MCM2: variants seen among roughly 807,000 people sequenced by gnomAD.
The protein encoded by MCM2 is minichromosome maintenance complex component 2.
A neutral mutation model predicts 86.4 loss-of-function variants in MCM2; 49 were observed. The ratio of observed to expected loss-of-function variants is 0.57; its 90% CI spans 0.45 to 0.72. The LOEUF is 0.72. Ranked by LOEUF, MCM2 falls within the 30% of genes least tolerant of loss-of-function variation. The pLI, the probability that MCM2 is intolerant of heterozygous loss-of-function variation, is 0.00. For missense variants in MCM2, 1,038 were observed against 1,259.9 expected (o/e 0.82, Z 2.67); for synonymous variants, 475 against 484.6 (o/e 0.98, Z 0.26).
At position 127,621,173 on chromosome 3, in the gene MCM2, G is replaced by A. The variant is rs770365114; in HGVS notation, c.2549G>A (p.Arg850His). ...GAGCAGGTGACATATCAGCGCAACC[G>A]CTTTGGGGCCCAGCAGGACACTATT... ...VAEQVTYQRN[R>H]FGAQQDTIEV... is the part of the protein sequence containing the mutation. The change falls in exon 15 of 16, where the codon CGC (arginine) becomes CAC (histidine). Residue 850 changes from arginine to histidine, a missense_variant. By Grantham distance (29) the Arg-to-His change is conservative. Coordinates refer to ENST00000265056, the MANE Select transcript of MCM2 (RefSeq NM_004526.4). The A allele has an allele frequency of 2.5e-6, 4 of 1,614,202 alleles. No individual in the cohort carries two copies. The highest frequency in any genetic ancestry group is 1.1e-5 in the South Asian group (1 of 91,086).
At chr3:127,621,254 G>T (rs774700906) in intron 15 of MCM2, 26 bp downstream of exon 15, 12 of 1,612,050 alleles carry the variant, frequency 7.4e-6, no homozygotes, top group Non-Finnish European at 1.0e-5. Context: ...GGAGGTGAGG[G>T]TTGGGGTATG....
chr3:127,602,984 G>A (rs13083682), intron 2 of MCM2, among the ~76,000 whole-genome samples: 47,758 of 151,994 alleles, frequency 0.31, 8,380 homozygotes, highest in Middle Eastern at 0.47. Context: ...TTGTAATTGT[G>A]GTAAAATACA....
intron 8 of MCM2, among the ~76,000 whole-genome samples, chr3:127,610,247 G>T (rs1335839726): frequency 6.6e-6 from 1 of 152,142 alleles, no homozygotes; most frequent in Non-Finnish European, 1.5e-5. Context: ...TTCCCATTTG[G>T]CTTCTTCAGT....
In MCM2 at chr3:127,604,955, A is replaced by T. The variant is rs753401937; in HGVS notation, c.472A>T (p.Thr158Ser). 10 of 1,606,304 alleles carry T rather than the reference A, an allele frequency of 6.2e-6. No homozygotes were observed. Among genetic ancestry groups the T allele is most frequent in the Non-Finnish European group, 8.5e-6 (10 of 1,173,528 alleles). The part of the protein sequence containing the change: ...ARKRRQVERA[T>S]EDGEEDEEMI... ...CAAGCGCCGCCAGGTGGAGCGGGCC[A>T]CGGAGGACGGCGAGGAGGACGAGGA... Residue 158 changes from threonine to serine, a missense_variant, in exon 4 of 16, where the codon ACG (threonine) becomes TCG (serine). Physicochemically the swap from Thr to Ser is moderately conservative, Grantham distance 58 (BLOSUM62 1). This residue lies in a region of MCM2 where 300 missense variants were observed against 307.4 expected (regional missense o/e 0.98). Coordinates refer to ENST00000265056, the MANE Select transcript of MCM2 (RefSeq NM_004526.4).
At chr3:127,615,544 A>T (rs2074426308) in intron 8 of MCM2, among the ~76,000 whole-genome samples, 1 of 152,202 alleles carries the variant, frequency 6.6e-6, no homozygotes, top group Non-Finnish European at 1.5e-5. Context: ...GGCCAGTGCC[A>T]TGACAGACCT....
chr3:127,606,990 A>G lies in MCM2; in HGVS notation c.1101+173A>G, dbSNP rs921553322. ...CCCAGTCTGTCTGGCCAGTGGACTT[A>G]GCTTGGCCCACACGACGTTTTTAGG... On this transcript the variant is annotated intron_variant, in intron 6 of 15. Transcript: ENST00000265056. This position sits in a 1 kb window ranked among gnomAD's most constrained non-coding sequence, Gnocchi z 4.2. Among the ~76,000 whole-genome samples the G allele has an allele frequency of 3.9e-5, 6 of 152,190 alleles. No homozygotes were observed. The highest frequency in any genetic ancestry group is 8.8e-5 in the Non-Finnish European group (6 of 68,042).
intron 6 of MCM2, among the ~76,000 whole-genome samples, chr3:127,607,658 G>A (rs1485023890): frequency 1.3e-5 from 2 of 152,206 alleles, no homozygotes; most frequent in Admixed American, 1.3e-4. Context: ...ATAGTACCTG[G>A]TAGAGGGTTA....
In MCM2 at chr3:127,618,872, C is replaced by T. The variant is rs2074453184; in HGVS notation, c.2014-155C>T. Among the ~76,000 whole-genome samples the T allele has an allele frequency of 6.6e-6, 1 of 152,214 alleles. No individual in the cohort carries two copies. The highest frequency in any genetic ancestry group is 2.4e-5 in the African/African-American group (1 of 41,454). ...CTCTGTCCCATTGTCTGGTTTGCCA[C>T]CCACACCCAGAACTGCCTGGCACAT... On this transcript the variant is annotated intron_variant, in intron 12 of 15. Coordinates refer to ENST00000265056, the MANE Select transcript of MCM2 (RefSeq NM_004526.4). This position sits in a 1 kb window ranked among gnomAD's most constrained non-coding sequence, Gnocchi z 4.0.
In MCM2 at chr3:127,620,719, A is replaced by G. The variant is rs761460942; in HGVS notation, c.2287A>G (p.Thr763Ala). ...ESMATGSIPI[T>A]VRHIESMIRM... ...CCAGGCGACAGGCAGCATCCCCATT[A>G]CGGTGCGGCACATCGAGTCCATGAT... is the stretch of plus-strand genomic sequence containing the variant. Residue 763 changes from threonine to alanine, a missense_variant, in exon 14 of 16, where the codon ACG becomes GCG. This residue lies in a region of MCM2 where 336 missense variants were observed against 425.7 expected (regional missense o/e 0.79). Transcript: ENST00000265056. 1 of 1,604,272 alleles carries G rather than the reference A, an allele frequency of 6.2e-7. No homozygotes were observed. Among genetic ancestry groups the G allele is most frequent in the South Asian group, 1.1e-5 (1 of 90,368 alleles).
intron 13 of MCM2, among the ~76,000 whole-genome samples, chr3:127,619,513 A>G (rs17538711): frequency 0.013 from 2,047 of 151,826 alleles, 27 homozygotes; most frequent in Non-Finnish European, 0.02. Flanking sequence ...CCTGACCAAC[A>G]TGGTGAAACC....
intron 2 of MCM2, 62 bp downstream of exon 2, chr3:127,599,609 G>T: frequency 6.8e-7 from 1 of 1,468,222 alleles, no homozygotes; most frequent in African/African-American, 1.4e-5. Context: ...TTGTGTGCCT[G>T]GTGGCCTGGC....
chr3:127,609,469 G>A (rs564219620), intron 8 of MCM2, among the ~76,000 whole-genome samples: 13 of 152,194 alleles, frequency 8.5e-5, no homozygotes, highest in African/African-American at 2.4e-4. Flanking sequence ...CCAGAATGGT[G>A]GTGTTTTTTG....
At position 127,618,874 on chromosome 3, in the gene MCM2, C is replaced by G. The variant is rs1011170859; in HGVS notation, c.2014-153C>G. The stretch of plus-strand genomic sequence containing the variant: ...CTGTCCCATTGTCTGGTTTGCCACC[C>G]ACACCCAGAACTGCCTGGCACATGG... On this transcript the variant is annotated intron_variant, in intron 12 of 15. Coordinates refer to ENST00000265056, the MANE Select transcript of MCM2 (RefSeq NM_004526.4). The surrounding 1 kb of genome is among the most constrained non-coding windows in gnomAD (Gnocchi z 4.0). Among the ~76,000 whole-genome samples the G allele has an allele frequency of 2.6e-5, 4 of 152,214 alleles. No homozygotes were observed. The highest frequency in any genetic ancestry group is 5.9e-5 in the Non-Finnish European group (4 of 68,046).
Position 127,606,350 on chromosome 3 carries a change from C to T in MCM2, c.893+13C>T. ...TGCGCTCGCTGAGGTGAGCTGAGGG[C>T]AGGTGAGGATGGCAGGTCCGAGCTC... is the stretch of plus-strand genomic sequence containing the variant. On this transcript the variant is annotated intron_variant, in intron 5 of 15. Transcript: ENST00000265056. The surrounding 1 kb of genome is among the most constrained non-coding windows in gnomAD (Gnocchi z 4.2). The T allele has an allele frequency of 6.2e-7, 1 of 1,613,522 alleles. No homozygotes were observed. The highest frequency in any genetic ancestry group is 8.5e-7 in the Non-Finnish European group (1 of 1,179,480).
intron 8 of MCM2, among the ~76,000 whole-genome samples, chr3:127,609,354 T>G (rs992665268): frequency 6.6e-5 from 10 of 152,158 alleles, no homozygotes; most frequent in Non-Finnish European, 1.2e-4. Flanking sequence ...CATTTCAAGC[T>G]GTGGTTTGAA....
chr3:127,617,539 G>A lies in MCM2; in HGVS notation c.1900+134G>A. ...GTGCAGCAGAGGGTTCCCCTCTTCT[G>A]CATATCCTGCCAGAGTGGGGAACAG... On this transcript the variant is annotated intron_variant, in intron 11 of 15. Coordinates refer to ENST00000265056, the MANE Select transcript of MCM2 (RefSeq NM_004526.4). This position sits in a 1 kb window ranked among gnomAD's most constrained non-coding sequence, Gnocchi z 4.1. The A allele has an allele frequency of 8.8e-7, 1 of 1,142,046 alleles. No homozygotes were observed. Among genetic ancestry groups the A allele is most frequent in the Admixed American group, 2.8e-5 (1 of 35,564 alleles). The allele number at this position is 1,142,046 out of a possible 1,614,324, so 70.7% of individuals were successfully genotyped here.
At chr3:127,607,194 G>A (rs1056149316) in intron 6 of MCM2, among the ~76,000 whole-genome samples, 2 of 152,152 alleles carry the variant, frequency 1.3e-5, no homozygotes, top group East Asian at 1.9e-4. Flanking sequence ...CAGTCCCATC[G>A]GGACTTCCCC....
Position 127,598,536 on chromosome 3 carries a change from C to G in MCM2, c.6+64C>G, listed in dbSNP as rs17538412. ...ATGGGTGCGGAGGCTGCGCGCTTCC[C>G]GTACTCTGGCCCCGGCCCAGGGCGG... On this transcript the variant is annotated intron_variant, in intron 1 of 15. Transcript: ENST00000265056. The G allele has an allele frequency of 2.2e-3, 3,533 of 1,587,458 alleles. 63 individuals carry two copies. The African/African-American group carries it at 0.041, about 19-fold the overall frequency.
At chr3:127,615,432 C>T (rs745883266) in intron 8 of MCM2, among the ~76,000 whole-genome samples, 1 of 152,162 alleles carries the variant, frequency 6.6e-6, no homozygotes, top group Non-Finnish European at 1.5e-5. Flanking sequence ...ATTGCATTGA[C>T]GAGGCAGGCA....
Sources: allele counts gnomAD v4.1 joint callset (sites outside exome capture counted in the v4.1 genomes callset), GRCh38; gene constraint gnomAD v4.1.1; regional missense constraint gnomAD v4.1.1; non-coding constraint Gnocchi (gnomAD v3.1); transcripts MANE v1.5; gene names NCBI Gene and HGNC (gene_info 2026-07-23, HGNC 2026-07-21).